The following MTCL3 variants were observed in gnomAD, a reference collection of about 807,000 sequenced individuals.
The protein encoded by MTCL3 is MTCL family member 3.
chr6:127,476,191 T>C, the MTCL3 span: 1 of 1,614,182 alleles, frequency 6.2e-7, no homozygotes, highest in Non-Finnish European at 8.5e-7. This position sits in a 1 kb window ranked among gnomAD's most constrained non-coding sequence, Gnocchi z 4.4. Context: ...CAGGCCTCTG[T>C]TCTCCACCTC....
At chr6:127,512,822 T>C in the MTCL3 span, 1 of 1,438,096 alleles carries the variant, frequency 7.0e-7, no homozygotes, top group East Asian at 2.3e-5. Context: ...AACAGTCATA[T>C]TAGTCCTTGG....
the MTCL3 span, among the ~76,000 whole-genome samples, chr6:127,474,795 A>G: frequency 6.6e-6 from 1 of 151,600 alleles, no homozygotes; most frequent in African/African-American, 2.4e-5. Flanking sequence ...ACCAGGCTGG[A>G]CTCGAACTCC....
At chr6:127,479,439 A>G in the MTCL3 span, among the ~76,000 whole-genome samples, 1 of 152,226 alleles carries the variant, frequency 6.6e-6, no homozygotes, top group African/African-American at 2.4e-5. Flanking sequence ...GTAGGGTTGC[A>G]TATGTGGTGG....
At chr6:127,489,490 C>T in the MTCL3 span, among the ~76,000 whole-genome samples, 1 of 152,256 alleles carries the variant, frequency 6.6e-6, no homozygotes, top group African/African-American at 2.4e-5. Flanking sequence ...AGCTAGGCCT[C>T]TTGTGACAAA....
At chr6:127,514,757 G>T in the MTCL3 span, 1 of 1,341,804 alleles carries the variant, frequency 7.5e-7, no homozygotes, top group Non-Finnish European at 1.0e-6. Context: ...TCAGCCTAAA[G>T]AGCCCTTGGC....
the MTCL3 span, among the ~76,000 whole-genome samples, chr6:127,507,636 G>C: frequency 2.0e-3 from 300 of 152,086 alleles, 1 homozygote; most frequent in Non-Finnish European, 3.4e-3. Flanking sequence ...AAGATCAGGA[G>C]ATTGAGACCA....
the MTCL3 span, chr6:127,476,053 A>T: frequency 6.2e-7 from 1 of 1,613,064 alleles, no homozygotes; most frequent in East Asian, 2.2e-5. This position sits in a 1 kb window ranked among gnomAD's most constrained non-coding sequence, Gnocchi z 4.4. Flanking sequence ...CCTCCGCAGC[A>T]GCTCCGTCTC....
At chr6:127,508,740 CTT>C in the MTCL3 span, among the ~76,000 whole-genome samples, 1 of 152,182 alleles carries the variant, frequency 6.6e-6, no homozygotes, top group African/African-American at 2.4e-5. Flanking sequence ...TCAAATGTCT[CTT>C]ATCAACACTT....
At chr6:127,502,630 C>T in the MTCL3 span, among the ~76,000 whole-genome samples, 9,101 of 152,192 alleles carry the variant, frequency 0.06, 306 homozygotes, top group African/African-American at 0.089. Flanking sequence ...GGGTCCTAGA[C>T]AGCTCTAAAA....
the MTCL3 span, among the ~76,000 whole-genome samples, chr6:127,489,047 G>A: frequency 6.6e-6 from 1 of 152,118 alleles, no homozygotes; most frequent in Non-Finnish European, 1.5e-5. Context: ...ACTCTGCATT[G>A]AGCAGGTCTA....
chr6:127,502,097 C>T, the MTCL3 span, among the ~76,000 whole-genome samples: 3 of 152,176 alleles, frequency 2.0e-5, no homozygotes, highest in Non-Finnish European at 4.4e-5. Flanking sequence ...CTTGCCCAAA[C>T]ATTTATTGAT....
chr6:127,507,744 G>A, the MTCL3 span, among the ~76,000 whole-genome samples: 4 of 149,886 alleles, frequency 2.7e-5, no homozygotes, highest in Admixed American at 2.0e-4. Context: ...TGGGGAGGCT[G>A]AGGCAGTAGA....
the MTCL3 span, among the ~76,000 whole-genome samples, chr6:127,505,863 T>C: frequency 2.3e-3 from 349 of 152,264 alleles, no homozygotes; most frequent in African/African-American, 8.1e-3. Flanking sequence ...ATTCAAGAAA[T>C]AGCTGTTAAC....
the MTCL3 span, among the ~76,000 whole-genome samples, chr6:127,481,619 C>T: frequency 6.6e-6 from 1 of 150,420 alleles, no homozygotes; most frequent in Non-Finnish European, 1.5e-5. Context: ...GTTAAATTAT[C>T]TATCTAATGT....
chr6:127,516,581 C>T, the MTCL3 span: 25 of 1,597,464 alleles, frequency 1.6e-5, no homozygotes, highest in South Asian at 2.5e-4. Context: ...GCTGCTGTGG[C>T]AGGGGCAGCG....
the MTCL3 span, among the ~76,000 whole-genome samples, chr6:127,499,095 G>T: frequency 6.6e-6 from 1 of 152,116 alleles, no homozygotes; most frequent in African/African-American, 2.4e-5. Context: ...AAAGTAAAAT[G>T]CATCAGGATG....
the MTCL3 span, chr6:127,475,204 G>C: frequency 2.9e-6 from 4 of 1,401,368 alleles, no homozygotes; most frequent in Non-Finnish European, 3.8e-6. The surrounding 1 kb of genome is among the most constrained non-coding windows in gnomAD (Gnocchi z 7.3). Context: ...AGCGGGGCGC[G>C]GCAGTCCGGG....
the MTCL3 span, among the ~76,000 whole-genome samples, chr6:127,475,125 T>TG: frequency 6.6e-6 from 1 of 152,222 alleles, no homozygotes; most frequent in Non-Finnish European, 1.5e-5. This position sits in a 1 kb window ranked among gnomAD's most constrained non-coding sequence, Gnocchi z 7.3. Flanking sequence ...AAGGACAGTG[T>TG]GGAAGAACTG....
chr6:127,475,761 G>C, the MTCL3 span: 2 of 1,605,248 alleles, frequency 1.2e-6, no homozygotes, highest in Non-Finnish European at 1.7e-6. The surrounding 1 kb of genome is among the most constrained non-coding windows in gnomAD (Gnocchi z 7.3). Context: ...TGCCCGCGTC[G>C]CTCTCGGCGT....
Sources: allele counts gnomAD v4.1 joint callset (sites outside exome capture counted in the v4.1 genomes callset), GRCh38; gene constraint gnomAD v4.1.1; non-coding constraint Gnocchi (gnomAD v3.1); transcripts MANE v1.5; gene names NCBI Gene and HGNC (gene_info 2026-07-23, HGNC 2026-07-21).